Variants in IL9R observed in about 807,000 individuals in gnomAD.
The protein encoded by IL9R is interleukin-9 receptor.
A neutral mutation model predicts 56.3 loss-of-function variants in IL9R; 54 were observed. The observed-to-expected ratio is 0.96, with a 90% confidence interval of 0.77 to 1.20. IL9R has a LOEUF of 1.20. Among genes scored for constraint, IL9R ranks in the 50% most tolerant of loss-of-function variants. The pLI, the probability that IL9R is intolerant of heterozygous loss-of-function variation, is 0.00. For missense variants in IL9R, 545 were observed against 629.8 expected (o/e 0.87, Z 1.44); for synonymous variants, 212 against 250.2 (o/e 0.85, Z 1.44).
chrX:156,004,148 T>G, intron 4 of IL9R: 1 of 599,086 alleles, frequency 1.7e-6, no homozygotes, highest in East Asian at 2.8e-5. Flanking sequence ...AGGACTCCAA[T>G]AAGATGCTGG....
Position 156,010,447 on chromosome X carries a change from A to G in IL9R, c.*38A>G. On this transcript the variant is annotated 3_prime_UTR_variant, in exon 9 of 9. Transcript: ENST00000244174. ...CCAGATGCATCATGTCCATTTTGGG[A>G]AAATGGACTGAAGTTTCTGGAGCCC... 1 of 437,850 alleles carries G rather than the reference A, an allele frequency of 2.3e-6. No individual in the cohort carries two copies. Among genetic ancestry groups the G allele is most frequent in the Non-Finnish European group, 3.6e-6 (1 of 274,218 alleles). The allele number at this position is 437,850 out of a possible 1,614,324, so 27.1% of individuals were successfully genotyped here.
rs760486109 is a variant in IL9R at position 156,003,758 on chromosome X, C to A, written c.336C>A (p.Leu112=). 1 of 1,613,974 alleles carries A rather than the reference C, an allele frequency of 6.2e-7. No individual in the cohort carries two copies. Among genetic ancestry groups the A allele is most frequent in the Admixed American group, 1.7e-5 (1 of 60,020 alleles). ...CTVVLPPEAV[L]VPSDNFTITF... is the part of the protein sequence containing the mutation. ...TCGTGCTGCCACCTGAGGCAGTGCT[C>A]GTGCCATCTGACAATTTCACCATCA... Residue 112 remains leucine (L), a synonymous_variant, in exon 4 of 9, where the codon CTC becomes CTA. Transcript: ENST00000244174.
chrX:156,007,135 C>T (rs1049523549), intron 7 of IL9R, among the ~76,000 whole-genome samples: 2 of 150,268 alleles, frequency 1.3e-5, no homozygotes, highest in Admixed American at 6.7e-5. Flanking sequence ...TCAGTGGATC[C>T]TTGGCAGCAA....
chrX:155,998,413 C>T (rs1351839049), intron 1 of IL9R, among the ~76,000 whole-genome samples: 1 of 151,876 alleles, frequency 6.6e-6, no homozygotes, highest in African/African-American at 2.4e-5. Flanking sequence ...GTCTGGATAG[C>T]CTGTTCTTGT....
chrX:156,004,701 A>G, intron 5 of IL9R, 136 bp downstream of exon 5: 1 of 843,182 alleles, frequency 1.2e-6, no homozygotes, highest in Non-Finnish European at 1.9e-6. Context: ...GTGTGTGCAC[A>G]CACACATGCT....
At chrX:156,006,322 C>G in intron 7 of IL9R, 134 bp downstream of exon 7, 1 of 631,632 alleles carries the variant, frequency 1.6e-6, no homozygotes, top group East Asian at 2.8e-5. Context: ...CCGCCCTTGT[C>G]TGGTTCCTCC....
rs770714850 is a variant in IL9R, at chrX:156,005,331, C to T, written c.633C>T (p.Ala211=). 4.3e-6 allele frequency: 7 copies of T among 1,612,416 alleles called. No homozygotes were observed. In the South Asian group the frequency reaches 5.5e-5, roughly 13 times the overall value. Reference sequence around the variant, plus strand: ...GGGTGACCTGGCTTATACTTGAAGCCTTTGAGCTGGACCCTGGCTTTATCC... The same window carrying T: ...GGGTGACCTGGCTTATACTTGAAGCTTTTGAGCTGGACCCTGGCTTTATCC... ...IVGVTWLILE[A]FELDPGFIHE... The change falls in exon 6 of 9, where the codon GCC becomes GCT. Residue 211 remains alanine, a synonymous_variant. Transcript: ENST00000244174.
At chrX:156,009,063 GTGTGTGTGTC>G (rs1263446145) in intron 8 of IL9R, among the ~76,000 whole-genome samples, 9 of 127,304 alleles carry the variant, frequency 7.1e-5, no homozygotes, top group African/African-American at 1.1e-4. Flanking sequence ...GTGTGTGTTT[GTGTGTGTGTC>G]TGTGTGTGTT....
intron 1 of IL9R, among the ~76,000 whole-genome samples, chrX:155,998,517 C>T (rs1008112463): frequency 3.9e-5 from 6 of 152,072 alleles, no homozygotes; most frequent in African/African-American, 1.4e-4. Context: ...CTGGGCTCAC[C>T]CTCTTCCCAG....
In IL9R at chrX:156,000,144, A is replaced by AT. The variant is rs1273120340; in HGVS notation, c.28+2357_28+2358insT. ...GAGCGAGACTCCGTCTAAAAAAAAA[A>AT]AATATATATATATATACACACATAT... is the stretch of plus-strand genomic sequence containing the variant. On this transcript the variant is annotated intron_variant, in intron 1 of 8. Transcript: ENST00000244174. 8.3e-3 allele frequency among the ~76,000 whole-genome samples: 1,083 copies of AT among 129,764 alleles called. 13 individuals carry two copies. The highest frequency in any genetic ancestry group is 0.03 in the African/African-American group (1,036 of 34,164). The allele number at this position is 129,764 out of a possible 152,430, so 85.1% of individuals were successfully genotyped here. A position where few individuals can be genotyped will look rare whatever the true frequency, so the allele number is the denominator to read the frequency against.
At position 156,003,701 on chromosome X, in the gene IL9R, TA is replaced by T; in HGVS notation, c.281del (p.Lys94SerfsTer71). 1 of 1,613,546 alleles carries T rather than the reference TA, an allele frequency of 6.2e-7. No individual in the cohort carries two copies. Among genetic ancestry groups the T allele is most frequent in the Non-Finnish European group, 8.5e-7 (1 of 1,179,668 alleles). ...GCAACCAGGCTCCTGGCGGCACACA[TA>T]AGTGCATCTTGCGGGGCAGTGAGTG... ...TSNQAPGGTH[K>X]CILRGSECTV... On this transcript the variant is annotated frameshift_variant, in exon 4 of 9. Transcript: ENST00000244174. LOFTEE classifies it high-confidence loss of function.
chrX:156,001,840 C>A (rs941058897), intron 1 of IL9R, among the ~76,000 whole-genome samples: 1 of 152,166 alleles, frequency 6.6e-6, no homozygotes, highest in Non-Finnish European at 1.5e-5. Flanking sequence ...TCTGGCTCCC[C>A]TAGGGATCCT....
chrX:156,001,529 G>T, intron 1 of IL9R: 1 of 1,504,716 alleles, frequency 6.6e-7, no homozygotes, highest in Non-Finnish European at 9.2e-7. Context: ...CTGATCATCA[G>T]TCTTAACAGG....
chrX:156,004,290 G>A, intron 4 of IL9R, 130 bp from the exon 5 acceptor site: 1 of 867,696 alleles, frequency 1.2e-6, no homozygotes. Flanking sequence ...CAGTCTCCCA[G>A]TGAGGTGCCT....
chrX:156,009,225 CTGTGTGTGTTCGTGTGGTGT>C (rs2068270628), intron 8 of IL9R, among the ~76,000 whole-genome samples: 6 of 27,202 alleles, frequency 2.2e-4, no homozygotes, highest in South Asian at 1.7e-3. Context: ...GTTTATGTGT[CTGTGTGTGTTCGTGTGGTGT>C]GTGTGTCTGT....
chrX:156,001,373 C>A, intron 1 of IL9R: 1 of 1,383,670 alleles, frequency 7.2e-7, no homozygotes, highest in Non-Finnish European at 1.0e-6. Flanking sequence ...ATCCCAAGAG[C>A]AGGCTGACTG....
chrX:156,006,648 C>A (rs909559415), intron 7 of IL9R, among the ~76,000 whole-genome samples: 18 of 151,894 alleles, frequency 1.2e-4, no homozygotes, highest in Admixed American at 3.9e-4. Context: ...TTAAATAAAC[C>A]GTCACGCCTC....
intron 7 of IL9R, among the ~76,000 whole-genome samples, chrX:156,007,158 G>A (rs1436895482): frequency 1.3e-5 from 2 of 148,856 alleles, no homozygotes; most frequent in East Asian, 2.0e-4. Flanking sequence ...CTGGTGCTCA[G>A]GGAGACACTG....
intron 1 of IL9R, among the ~76,000 whole-genome samples, chrX:156,002,382 A>G (rs2067592432): frequency 6.6e-6 from 1 of 152,038 alleles, no homozygotes; most frequent in Admixed American, 6.6e-5. Context: ...TGTCTGTGTG[A>G]CCCTGGGCAA....
Sources: allele counts gnomAD v4.1 joint callset (sites outside exome capture counted in the v4.1 genomes callset), GRCh38; gene constraint gnomAD v4.1.1; transcripts MANE v1.5; gene names NCBI Gene and HGNC (gene_info 2026-07-23, HGNC 2026-07-21).